MED13L: variants seen among roughly 807,000 people sequenced by gnomAD.
The protein encoded by MED13L is mediator of RNA polymerase II transcription subunit 13-like.
In MED13L, 7 loss-of-function variants were observed where a neutral mutation model predicts 220.9. That is an observed-to-expected ratio of 0.03 (90% confidence interval 0.02 to 0.06). The LOEUF (loss-of-function observed/expected upper bound fraction) is 0.06, where lower values mean the gene tolerates loss of function less well. MED13L is among the 10% of genes least tolerant of loss of function. The probability of loss-of-function intolerance (pLI) is 1.00; values close to 1 mark genes in which losing one functional copy is unlikely to be tolerated. For synonymous variants in MED13L, 1,011 were observed against 1,015.2 expected, an observed-to-expected ratio of 1.00 and a Z score of 0.08; for missense variants, 1,965 against 2,760.5, an observed-to-expected ratio of 0.71 and a Z score of 6.46.
Position 115,991,684 on chromosome 12 carries a change from C to A in MED13L, c.3270G>T (p.Arg1090=), listed in dbSNP as rs749959059. 23 of 1,613,762 alleles carry A rather than the reference C, an allele frequency of 1.4e-5. No homozygotes were observed. In the South Asian group the frequency reaches 2.2e-4, roughly 15 times the overall value. ...GSPASTPSTT[R]PLNSVEPATM... ...TGGCGGGCTCCACAGAGTTGAGGGG[C>A]CGTGTAGTAGAGGGGGTGGAGGCTG... The change falls in exon 17 of 31, where the codon CGG becomes CGT. Residue 1090 remains arginine, a synonymous_variant. Transcript: ENST00000281928. The surrounding 1 kb of genome is among the most constrained non-coding windows in gnomAD (Gnocchi z 7.7).
At chr12:116,088,294 G>A (rs940028221) in intron 4 of MED13L, among the ~76,000 whole-genome samples, 2 of 152,182 alleles carry the variant, frequency 1.3e-5, no homozygotes, top group African/African-American at 4.8e-5. Context: ...TGCTGAAAAT[G>A]AGAATAGAAA....
intron 2 of MED13L, among the ~76,000 whole-genome samples, chr12:116,181,923 A>G (rs1880559600): frequency 6.6e-6 from 1 of 152,216 alleles, no homozygotes; most frequent in African/African-American, 2.4e-5. Flanking sequence ...ATCTCACAAC[A>G]AAATTTTCTT....
intron 1 of MED13L, among the ~76,000 whole-genome samples, chr12:116,269,466 CAAAAAA>C (rs34100053): frequency 0.14 from 9,728 of 69,300 alleles, 379 homozygotes; most frequent in South Asian, 0.21. Context: ...TTAAACTATG[CAAAAAA>C]AAAAAAAAAA....
chr12:116,249,228 A>G (rs1871313745), intron 1 of MED13L, among the ~76,000 whole-genome samples: 1 of 152,238 alleles, frequency 6.6e-6, no homozygotes, highest in Non-Finnish European at 1.5e-5. Context: ...GGCACTGAAT[A>G]ATGCCCATAA....
chr12:116,047,514 G>T (rs1042253436), intron 4 of MED13L, among the ~76,000 whole-genome samples: 1 of 152,090 alleles, frequency 6.6e-6, no homozygotes, highest in Non-Finnish European at 1.5e-5. Flanking sequence ...ATGATTCCAA[G>T]TGACATGTTC....
intron 1 of MED13L, among the ~76,000 whole-genome samples, chr12:116,248,316 T>C (rs760877289): frequency 1.1e-4 from 16 of 152,080 alleles, no homozygotes; most frequent in Non-Finnish European, 2.1e-4. Context: ...CAGAACCAAA[T>C]GGAAAAACTG....
intron 3 of MED13L, among the ~76,000 whole-genome samples, chr12:116,109,753 G>C (rs747228556): frequency 6.6e-6 from 1 of 152,040 alleles, no homozygotes; most frequent in Non-Finnish European, 1.5e-5. Context: ...CAAATATTTA[G>C]AATACTTAAG....
At chr12:115,963,570 C>T in intron 29 of MED13L, 51 bp from the exon 30 acceptor site, 1 of 1,372,384 alleles carries the variant, frequency 7.3e-7, no homozygotes, top group South Asian at 1.2e-5. Context: ...AATCACAGTG[C>T]AGAAGTGAGG....
intron 2 of MED13L, among the ~76,000 whole-genome samples, chr12:116,170,164 C>A (rs1879570142): frequency 6.6e-6 from 1 of 152,192 alleles, no homozygotes; most frequent in Non-Finnish European, 1.5e-5. Flanking sequence ...TGTATGTTGA[C>A]ACATTTTACC....
intron 1 of MED13L, 172 bp downstream of exon 1, chr12:116,276,888 A>G: frequency 2.1e-6 from 2 of 971,298 alleles, no homozygotes; most frequent in Non-Finnish European, 3.1e-6. Flanking sequence ...ATGGGATCCA[A>G]GGCGAGAGAG....
At chr12:116,091,479 T>C (rs1252137098) in intron 4 of MED13L, among the ~76,000 whole-genome samples, 1 of 152,200 alleles carries the variant, frequency 6.6e-6, no homozygotes, top group African/African-American at 2.4e-5. Flanking sequence ...TATATGTTTA[T>C]GAAACTACAG....
chr12:116,102,278 T>A (rs1873121653), intron 3 of MED13L, among the ~76,000 whole-genome samples: 2 of 152,176 alleles, frequency 1.3e-5, no homozygotes, highest in Non-Finnish European at 2.9e-5. Context: ...TGACGTAAGA[T>A]TACAAATGTC....
At chr12:116,194,560 T>C (rs1881498934) in intron 2 of MED13L, among the ~76,000 whole-genome samples, 1 of 152,166 alleles carries the variant, frequency 6.6e-6, no homozygotes, top group Non-Finnish European at 1.5e-5. Context: ...TCTGATCAAA[T>C]TCACCTTAAC....
In MED13L at chr12:115,991,843, G is replaced by A; in HGVS notation, c.3111C>T (p.Val1037=). 1 of 1,610,734 alleles carries A rather than the reference G, an allele frequency of 6.2e-7. No individual in the cohort carries two copies. Among genetic ancestry groups the A allele is most frequent in the African/African-American group, 1.3e-5 (1 of 74,990 alleles). ...AAPASNSGAG[V]LPSPATPRFS... is the part of the protein sequence containing the mutation. ...AGCGAGGGGTTGCTGGAGATGGTAG[G>A]ACTCCTGCCCCACTATTGCTGGCTG... The change falls in exon 17 of 31, where the codon GTC becomes GTT. Residue 1037 remains valine, a synonymous_variant. Transcript: ENST00000281928. This position sits in a 1 kb window ranked among gnomAD's most constrained non-coding sequence, Gnocchi z 7.7.
chr12:116,042,051 C>T (rs1406822483), intron 4 of MED13L, among the ~76,000 whole-genome samples: 2 of 152,166 alleles, frequency 1.3e-5, no homozygotes, highest in East Asian at 1.9e-4. Flanking sequence ...TATTTTAAAA[C>T]TATTGTTAGA....
At chr12:116,016,142 T>C (rs999252173) in intron 7 of MED13L, among the ~76,000 whole-genome samples, 7 of 152,162 alleles carry the variant, frequency 4.6e-5, no homozygotes, top group African/African-American at 9.7e-5. Context: ...TTAGTAAGTA[T>C]ATATTATGGA....
chr12:115,980,303 A>C (rs1375064635), intron 23 of MED13L, among the ~76,000 whole-genome samples: 1 of 152,138 alleles, frequency 6.6e-6, no homozygotes, highest in African/African-American at 2.4e-5. Context: ...CCTCTATTTA[A>C]ACCTAAGAGT....
intron 4 of MED13L, among the ~76,000 whole-genome samples, chr12:116,055,050 A>G (rs889749781): frequency 3.0e-4 from 46 of 152,250 alleles, no homozygotes; most frequent in African/African-American, 1.1e-3. Flanking sequence ...TAACACTGAG[A>G]GAAATAAGAT....
At chr12:116,044,315 G>A (rs979793750) in intron 4 of MED13L, among the ~76,000 whole-genome samples, 6 of 152,220 alleles carry the variant, frequency 3.9e-5, no homozygotes, top group Non-Finnish European at 7.3e-5. Flanking sequence ...TGAGAAAAGT[G>A]AAGTCTGTAT....
Sources: gnomAD v4.1 joint callset for allele counts (sites outside exome capture counted in the v4.1 genomes callset) on GRCh38, gnomAD v4.1.1 for gene constraint, Gnocchi (gnomAD v3.1) non-coding constraint, MANE v1.5 for transcripts, NCBI Gene and HGNC (gene_info 2026-07-23, HGNC 2026-07-21) for gene names.